SV2C: variants seen among roughly 807,000 people sequenced by gnomAD.
SV2C encodes synaptic vesicle glycoprotein 2C.
In SV2C, 49 loss-of-function variants were observed where a neutral mutation model predicts 79.7. The ratio of observed to expected loss-of-function variants is 0.61; its 90% confidence interval spans 0.49 to 0.78. The LOEUF is 0.78. Among genes scored for constraint, SV2C ranks in the 30% least tolerant of loss-of-function variants. The probability of loss-of-function intolerance (pLI) is 0.00; values close to 1 mark genes in which losing one functional copy is unlikely to be tolerated. For synonymous variants in SV2C, 334 were observed against 333.2 expected, an observed-to-expected ratio of 1.00 and a Z score of -0.03; for missense variants, 833 against 912.9, an observed-to-expected ratio of 0.91 and a Z score of 1.13.
At chr5:76,020,627 G>C in the SV2C span, among the ~76,000 whole-genome samples, 2 of 152,136 alleles carry the variant, frequency 1.3e-5, no homozygotes, top group East Asian at 3.9e-4. Context: ...CCTTTGCAAG[G>C]ACCTGATGGT....
chr5:75,926,731 C>A, the SV2C span, among the ~76,000 whole-genome samples: 1 of 152,192 alleles, frequency 6.6e-6, no homozygotes, highest in African/African-American at 2.4e-5. Context: ...TCCTGCCAAA[C>A]TGCATGTATG....
At chr5:76,037,601 G>A in the SV2C span, among the ~76,000 whole-genome samples, 8 of 152,092 alleles carry the variant, frequency 5.3e-5, no homozygotes, top group South Asian at 2.1e-4. Context: ...CAGTCTGCCC[G>A]TTCTCAGATC....
chr5:75,959,750 C>G, the SV2C span, among the ~76,000 whole-genome samples: 1 of 151,942 alleles, frequency 6.6e-6, no homozygotes, highest in African/African-American at 2.4e-5. Flanking sequence ...CATATTCATT[C>G]CACATTTATC....
chr5:76,252,960 A>T (rs977597146), intron 4 of SV2C, among the ~76,000 whole-genome samples: 1 of 152,258 alleles, frequency 6.6e-6, no homozygotes, highest in Non-Finnish European at 1.5e-5. Flanking sequence ...TTTATTTTTT[A>T]GTTTAAAAAT....
chr5:76,174,988 C>T (rs918792944), intron 2 of SV2C, among the ~76,000 whole-genome samples: 2 of 152,162 alleles, frequency 1.3e-5, no homozygotes, highest in Admixed American at 6.5e-5. Context: ...GTGAGCCTGG[C>T]GGTCTAACTG....
At chr5:75,985,602 T>C in the SV2C span, among the ~76,000 whole-genome samples, 1 of 151,958 alleles carries the variant, frequency 6.6e-6, no homozygotes, top group African/African-American at 2.4e-5. Flanking sequence ...GGGAAAGATG[T>C]CCTTGCTCTA....
chr5:76,067,044 A>G, the SV2C span, among the ~76,000 whole-genome samples: 40 of 152,318 alleles, frequency 2.6e-4, no homozygotes, highest in African/African-American at 9.6e-4. Flanking sequence ...TTTGTTAACT[A>G]CTTTAAGTTC....
chr5:75,854,815 C>G, the SV2C span, among the ~76,000 whole-genome samples: 38 of 152,188 alleles, frequency 2.5e-4, no homozygotes, highest in African/African-American at 8.7e-4. Context: ...TTCCTATGCT[C>G]TCTTCTAGAT....
chr5:75,867,448 C>T, the SV2C span, among the ~76,000 whole-genome samples: 4 of 151,746 alleles, frequency 2.6e-5, no homozygotes, highest in African/African-American at 4.8e-5. Flanking sequence ...ACCCTGAGAG[C>T]GAAGGAGAGA....
the SV2C span, among the ~76,000 whole-genome samples, chr5:75,889,357 T>G: frequency 2.0e-5 from 3 of 151,872 alleles, no homozygotes; most frequent in African/African-American, 7.3e-5. Flanking sequence ...GGTGTTTGGT[T>G]TTCTGTTCCT....
rs192643034 is a variant in SV2C, at chr5:76,308,597, A to G, written c.2000+7052A>G. 1.2e-4 allele frequency among the ~76,000 whole-genome samples: 18 copies of G among 152,272 alleles called. No homozygotes were observed. In the East Asian group the frequency reaches 3.3e-3, roughly 28 times the overall value. ...CGTTTTCCTGGTCCTTGGGCTAGAG[A>G]GAGCAGGCTTTGGTTGTGGCTTTTC... On this transcript the variant is annotated intron_variant, in intron 12 of 12. Coordinates refer to ENST00000502798, the MANE Select transcript of SV2C (RefSeq NM_014979.4).
intron 4 of SV2C, among the ~76,000 whole-genome samples, chr5:76,263,358 C>A (rs1211430342): frequency 6.6e-6 from 1 of 151,934 alleles, no homozygotes; most frequent in Non-Finnish European, 1.5e-5. Flanking sequence ...CTATGTGTGT[C>A]TTTGCATGTG....
At chr5:76,037,839 C>A in the SV2C span, among the ~76,000 whole-genome samples, 1 of 152,226 alleles carries the variant, frequency 6.6e-6, no homozygotes, top group African/African-American at 2.4e-5. Flanking sequence ...GCCCCTCCCC[C>A]AGCCTCGTTG....
At chr5:76,048,337 G>A in the SV2C span, among the ~76,000 whole-genome samples, 1 of 152,152 alleles carries the variant, frequency 6.6e-6, no homozygotes, top group Non-Finnish European at 1.5e-5. Context: ...CAACTCAAAC[G>A]AAGAGAATGA....
chr5:75,887,256 C>T, the SV2C span, among the ~76,000 whole-genome samples: 3,169 of 151,934 alleles, frequency 0.021, 99 homozygotes, highest in African/African-American at 0.069. Context: ...TTCAAGCATA[C>T]GATACATTGT....
the SV2C span, among the ~76,000 whole-genome samples, chr5:75,934,885 C>CTTTT: frequency 7.0e-6 from 1 of 143,040 alleles, no homozygotes; most frequent in African/African-American, 2.6e-5. Flanking sequence ...GCAAAGTTAA[C>CTTTT]TTTTTTTTTT....
chr5:76,150,051 G>A (rs560749294), intron 2 of SV2C, among the ~76,000 whole-genome samples: 5 of 152,282 alleles, frequency 3.3e-5, no homozygotes, highest in East Asian at 3.9e-4. Context: ...ATGGAAAATC[G>A]AAAGAGTTAA....
chr5:76,205,872 T>C (rs1421270801), intron 3 of SV2C, among the ~76,000 whole-genome samples: 4 of 152,298 alleles, frequency 2.6e-5, no homozygotes, highest in African/African-American at 9.6e-5. Flanking sequence ...CTCTGGCCTC[T>C]ACCCTCTAGA....
intron 4 of SV2C, among the ~76,000 whole-genome samples, chr5:76,227,538 AAT>A (rs1579962694): frequency 6.6e-6 from 1 of 152,158 alleles, no homozygotes; most frequent in Admixed American, 6.5e-5. Flanking sequence ...TAAAATAATA[AAT>A]ATGTTTCTTC....
Sources: allele counts gnomAD v4.1 joint callset (sites outside exome capture counted in the v4.1 genomes callset), GRCh38; gene constraint gnomAD v4.1.1; transcripts MANE v1.5; gene names NCBI Gene and HGNC (gene_info 2026-07-23, HGNC 2026-07-21).